Variants in STMN1 observed in about 807,000 individuals in gnomAD.
STMN1 encodes the protein stathmin 1.
A neutral mutation model predicts 19.7 loss-of-function variants in STMN1; 3 were observed. That is an observed-to-expected ratio of 0.15 (90% CI 0.07 to 0.39). STMN1 has a LOEUF of 0.39. Among genes scored for constraint, STMN1 ranks in the 10% least tolerant of loss-of-function variants. STMN1 has a pLI of 1.00. For missense variants in STMN1, 99 were observed against 176.0 expected (o/e 0.56, Z 2.48); for synonymous variants, 59 against 58.9 (o/e 1.00, Z -0.01).
At position 25,901,513 on chromosome 1, in the gene STMN1, T is replaced by C. The variant is rs1238244854; in HGVS notation, c.356A>G (p.Lys119Arg). 1.2e-6 allele frequency: 2 copies of C among 1,609,074 alleles called. No homozygotes were observed. The highest frequency in any genetic ancestry group is 1.7e-6 in the Non-Finnish European group (2 of 1,178,684). The change falls in exon 4 of 5, where the codon AAA (lysine) becomes AGA (arginine). Residue 119 changes from lysine to arginine, a missense_variant. Around this residue, in one of 3 missense-constraint regions of STMN1, gnomAD observed 54 missense variants for 79.4 expected, o/e 0.68. Coordinates refer to ENST00000455785, the MANE Select transcript of STMN1 (RefSeq NM_005563.4). ...AACCTTCTCTCGCAAACGTTCCAGT[T>C]TGGCAGCCATTTGTGCCTCTCGGTT... ...KENREAQMAAKLERLREKDKH... is the reference protein window; with the variant it reads ...KENREAQMAARLERLREKDKH...
chr1:25,899,038 T>A (rs1326049290), downstream of STMN1, among the ~76,000 whole-genome samples: 1 of 152,208 alleles, frequency 6.6e-6, no homozygotes, highest in Non-Finnish European at 1.5e-5. Context: ...AGCTTCTATT[T>A]CTGTGGTAAG....
At chr1:25,898,022 G>A (rs573421270), downstream of STMN1, among the ~76,000 whole-genome samples, 14 of 152,180 alleles carry the variant, frequency 9.2e-5, no homozygotes, top group Admixed American at 5.9e-4. Context: ...CATGGCCACC[G>A]TAGCCTGAAC....
downstream of STMN1, among the ~76,000 whole-genome samples, chr1:25,896,244 C>G (rs1344176261): frequency 1.3e-5 from 2 of 152,196 alleles, no homozygotes; most frequent in Non-Finnish European, 2.9e-5. Context: ...CCATGATAAC[C>G]TCATAGGGCT....
chr1:25,905,905 G>C (rs1367556336), intron 1 of STMN1: 1 of 152,252 alleles, frequency 6.6e-6, no homozygotes, highest in Non-Finnish European at 1.5e-5. Context: ...AAGAACCCTC[G>C]TGGGGCCCGG....
chr1:25,889,170 A>G (rs1010143107), intron 4 of STMN1: 4 of 322,434 alleles, frequency 1.2e-5, no homozygotes, highest in East Asian at 8.2e-5. Context: ...TCACATTACC[A>G]TATCAAGCTG....
At chr1:25,897,604 C>T (rs980284530), downstream of STMN1, among the ~76,000 whole-genome samples, 7 of 152,164 alleles carry the variant, frequency 4.6e-5, no homozygotes, top group Admixed American at 3.9e-4. Flanking sequence ...GAGGTGGGAA[C>T]GGCTGAATAG....
intron 4 of STMN1, among the ~76,000 whole-genome samples, chr1:25,892,172 C>A (rs1008126520): frequency 9.2e-5 from 14 of 152,170 alleles, no homozygotes; most frequent in African/African-American, 3.1e-4. Context: ...GGCGAATCAC[C>A]TGAGGTCGAG....
intron 4 of STMN1, chr1:25,892,522 C>G: frequency 1.8e-5 from 18 of 985,220 alleles, no homozygotes; most frequent in Non-Finnish European, 2.2e-5. Context: ...ACCTCAGATT[C>G]CTTCTTTAAA....
At chr1:25,904,936 C>A in intron 1 of STMN1, 198 bp from the exon 2 acceptor site, 1 of 391,860 alleles carries the variant, frequency 2.6e-6, no homozygotes, top group Non-Finnish European at 4.5e-6. Context: ...GATATTGGTT[C>A]CAGAAAATCA....
chr1:25,894,045 G>C (rs578215211), intron 4 of STMN1, among the ~76,000 whole-genome samples: 1 of 152,324 alleles, frequency 6.6e-6, no homozygotes, highest in East Asian at 1.9e-4. Flanking sequence ...ATCCTGAGGA[G>C]CCCCTATCTG....
intron 4 of STMN1, among the ~76,000 whole-genome samples, chr1:25,891,095 G>A (rs1023380228): frequency 1.3e-5 from 2 of 152,184 alleles, no homozygotes; most frequent in African/African-American, 2.4e-5. Flanking sequence ...CACTTTGGGA[G>A]GCCGAGGTGG....
chr1:25,900,150 C>T lies in STMN1; in HGVS notation c.*866G>A. 1 of 985,822 alleles carries T rather than the reference C, an allele frequency of 1.0e-6. No individual in the cohort carries two copies. The highest frequency in any genetic ancestry group is 1.2e-6 in the Non-Finnish European group (1 of 829,932). The allele number at this position is 985,822 out of a possible 1,614,324, so 61.1% of individuals were successfully genotyped here. On this transcript the variant is annotated 3_prime_UTR_variant, in exon 5 of 5. Coordinates refer to ENST00000455785, the MANE Select transcript of STMN1 (RefSeq NM_005563.4). ...CAGTACATAAAGTTTTATTAATATT[C>T]TGATTCTCGTGTCATAGCTTTTATG... is the stretch of plus-strand genomic sequence containing the variant.
At chr1:25,898,196 C>A (rs191912291), downstream of STMN1, among the ~76,000 whole-genome samples, 28 of 152,362 alleles carry the variant, frequency 1.8e-4, no homozygotes, top group Admixed American at 9.8e-4. Flanking sequence ...CTGCCAAAGG[C>A]CATTAACTAT....
chr1:25,895,098 TC>T (rs1485333732), intron 4 of STMN1, among the ~76,000 whole-genome samples: 1 of 112,156 alleles, frequency 8.9e-6, no homozygotes, highest in Non-Finnish European at 1.7e-5. Flanking sequence ...TTATTATACG[TC>T]TTTTTTTTTT....
At chr1:25,891,977 G>A (rs572322280) in intron 4 of STMN1, among the ~76,000 whole-genome samples, 1 of 152,318 alleles carries the variant, frequency 6.6e-6, no homozygotes. Flanking sequence ...GGGTATGGGT[G>A]CCCAAGCCCC....
At chr1:25,895,606 C>T (rs1054372266), downstream of STMN1, among the ~76,000 whole-genome samples, 1 of 152,184 alleles carries the variant, frequency 6.6e-6, no homozygotes, top group Non-Finnish European at 1.5e-5. Context: ...GCCCAGAGTC[C>T]GCTGACGGCC....
chr1:25,897,311 GAA>G (rs745773752), downstream of STMN1, among the ~76,000 whole-genome samples: 9 of 94,150 alleles, frequency 9.6e-5, no homozygotes, highest in African/African-American at 1.4e-4. Context: ...AGACTGTCTC[GAA>G]AAAAAAAAAA....
intron 4 of STMN1, chr1:25,887,431 T>TG: frequency 2.7e-6 from 1 of 371,902 alleles, no homozygotes; most frequent in Non-Finnish European, 5.3e-6. Context: ...TGAAACAAAG[T>TG]GGGGAATGGA....
intron 4 of STMN1, among the ~76,000 whole-genome samples, chr1:25,890,784 A>G (rs1281166436): frequency 1.3e-5 from 2 of 152,204 alleles, no homozygotes; most frequent in Non-Finnish European, 2.9e-5. Context: ...GAGCGTATCC[A>G]GGGACTGAGT....
Sources: gnomAD v4.1 joint callset for allele counts (sites outside exome capture counted in the v4.1 genomes callset) on GRCh38, gnomAD v4.1.1 for gene constraint, gnomAD v4.1.1 regional missense constraint, MANE v1.5 for transcripts, NCBI Gene and HGNC (gene_info 2026-07-23, HGNC 2026-07-21) for gene names.